Variants in NICOL1 observed in about 807,000 individuals in gnomAD.
NICOL1 encodes the protein NELL2 interacting cell ontogeny regulator 1.
the NICOL1 span, among the ~76,000 whole-genome samples, chr4:2,039,219 G>A: frequency 2.0e-5 from 3 of 152,200 alleles, no homozygotes; most frequent in East Asian, 5.8e-4. Context: ...TTCAAGACCA[G>A]CCTGGCCAAC....
At chr4:2,038,676 A>G in the NICOL1 span, among the ~76,000 whole-genome samples, 9 of 152,192 alleles carry the variant, frequency 5.9e-5, no homozygotes, top group South Asian at 2.1e-4. Flanking sequence ...TGTTTTGTGA[A>G]GCATTCAAAT....
the NICOL1 span, among the ~76,000 whole-genome samples, chr4:2,038,252 T>C: frequency 3.2e-5 from 2 of 62,424 alleles, no homozygotes; most frequent in Non-Finnish European, 6.3e-5. Flanking sequence ...TATATATATA[T>C]ATATATATAT....
the NICOL1 span, among the ~76,000 whole-genome samples, chr4:2,039,697 G>A: frequency 2.6e-5 from 4 of 151,924 alleles, no homozygotes; most frequent in South Asian, 2.1e-4. Flanking sequence ...AAAATTAGCC[G>A]GGTGTGGTGG....
At chr4:2,037,589 G>A in the NICOL1 span, among the ~76,000 whole-genome samples, 2 of 152,046 alleles carry the variant, frequency 1.3e-5, no homozygotes, top group East Asian at 1.9e-4. Context: ...ATAGTTAATC[G>A]GGAAATAACT....
the NICOL1 span, chr4:2,042,897 G>GC: frequency 3.8e-6 from 4 of 1,049,622 alleles, no homozygotes; most frequent in Non-Finnish European, 5.3e-6. Flanking sequence ...TGAGGAAGAG[G>GC]CCCCCTGCGG....
the NICOL1 span, among the ~76,000 whole-genome samples, chr4:2,037,578 A>T: frequency 7.9e-5 from 12 of 152,368 alleles, no homozygotes; most frequent in African/African-American, 2.6e-4. Context: ...AATAAATAAA[A>T]ATAGTTAATC....
At chr4:2,040,127 G>T in the NICOL1 span, among the ~76,000 whole-genome samples, 1 of 152,120 alleles carries the variant, frequency 6.6e-6, no homozygotes, top group Non-Finnish European at 1.5e-5. Flanking sequence ...TATTTTTTGA[G>T]ATGGAGTCTC....
At chr4:2,041,763 G>T in the NICOL1 span, 1 of 456,046 alleles carries the variant, frequency 2.2e-6, no homozygotes, top group Non-Finnish European at 3.8e-6. Flanking sequence ...CTTTTCTCCC[G>T]CCGGCCTTGC....
the NICOL1 span, among the ~76,000 whole-genome samples, chr4:2,040,840 ACCCACCCT>A: frequency 7.0e-6 from 1 of 142,404 alleles, no homozygotes; most frequent in Non-Finnish European, 1.5e-5. Flanking sequence ...CGCTTCCCCA[ACCCACCCT>A]CCCACCCACT....
chr4:2,037,098 G>A, the NICOL1 span, among the ~76,000 whole-genome samples: 1 of 152,108 alleles, frequency 6.6e-6, no homozygotes, highest in African/African-American at 2.4e-5. Context: ...GTTTAAATGT[G>A]TGTAGCACTT....
At chr4:2,038,067 G>A in the NICOL1 span, among the ~76,000 whole-genome samples, 1 of 150,474 alleles carries the variant, frequency 6.6e-6, no homozygotes, top group Admixed American at 6.6e-5. Context: ...TGACCTATGT[G>A]TTATTAAATT....
chr4:2,039,665 C>T, the NICOL1 span, among the ~76,000 whole-genome samples: 1 of 151,828 alleles, frequency 6.6e-6, no homozygotes, highest in African/African-American at 2.4e-5. Flanking sequence ...CAAACCCTGT[C>T]TCTACCAAAG....
the NICOL1 span, among the ~76,000 whole-genome samples, chr4:2,036,635 G>A: frequency 2.0e-5 from 3 of 152,178 alleles, no homozygotes; most frequent in African/African-American, 7.2e-5. Flanking sequence ...CGGCCCTCGA[G>A]GACAGCGTGG....
the NICOL1 span, among the ~76,000 whole-genome samples, chr4:2,039,876 T>G: frequency 6.6e-6 from 1 of 152,062 alleles, no homozygotes; most frequent in Non-Finnish European, 1.5e-5. Flanking sequence ...TATATATAAT[T>G]CTGTATATAA....
chr4:2,041,883 C>T, the NICOL1 span: 5 of 1,187,512 alleles, frequency 4.2e-6, no homozygotes, highest in Non-Finnish European at 5.5e-6. Context: ...GGGCCAGGCA[C>T]ACCCGATTCC....
the NICOL1 span, among the ~76,000 whole-genome samples, chr4:2,036,848 G>A: frequency 1.3e-5 from 2 of 152,146 alleles, no homozygotes; most frequent in Non-Finnish European, 2.9e-5. Context: ...CGAACAACAG[G>A]AACAGGCAGA....
the NICOL1 span, chr4:2,041,766 G>T: frequency 1.5e-5 from 7 of 456,378 alleles, no homozygotes; most frequent in African/African-American, 1.0e-4. Context: ...TTCTCCCGCC[G>T]GCCTTGCGCT....
the NICOL1 span, among the ~76,000 whole-genome samples, chr4:2,039,600 A>G: frequency 3.9e-5 from 6 of 151,990 alleles, no homozygotes; most frequent in Non-Finnish European, 7.4e-5. Flanking sequence ...TTTGGGAGGC[A>G]GAGGCAGGTG....
the NICOL1 span, chr4:2,043,720 TGGGTGTG>T: frequency 1.6e-6 from 1 of 633,340 alleles, no homozygotes; most frequent in Non-Finnish European, 2.7e-6. Context: ...TGGGAGGCTC[TGGGTGTG>T]GGGGTTAGAG....
Sources: gnomAD v4.1 joint callset for allele counts (sites outside exome capture counted in the v4.1 genomes callset) on GRCh38, gnomAD v4.1.1 for gene constraint, MANE v1.5 for transcripts, NCBI Gene and HGNC (gene_info 2026-07-23, HGNC 2026-07-21) for gene names.